The following TPM3 variants were observed in gnomAD, a reference collection of about 807,000 sequenced individuals.
TPM3 encodes tropomyosin alpha-3 chain.
TPM3 carries 16 observed loss-of-function variants against 43.1 expected under a neutral mutation model. The ratio of observed to expected loss-of-function variants is 0.37; its 90% CI spans 0.25 to 0.56. TPM3 has a LOEUF of 0.56. TPM3 is among the 20% of genes least tolerant of loss of function. The pLI, the probability that TPM3 is intolerant of heterozygous loss-of-function variation, is 0.77. For missense variants in TPM3, 176 were observed against 337.2 expected (o/e 0.52, Z 3.74); for synonymous variants, 101 against 116.9 (o/e 0.86, Z 0.88).
At chr1:154,177,164 C>T (rs193162036) in intron 2 of TPM3, among the ~76,000 whole-genome samples, 1 of 152,162 alleles carries the variant, frequency 6.6e-6, no homozygotes, top group Non-Finnish European at 1.5e-5. Flanking sequence ...TGCCTACTCA[C>T]CAGCCCTTCA....
At position 154,169,432 on chromosome 1, in the gene TPM3, A is replaced by G. The variant is rs4845364; in HGVS notation, c.776-49T>C. ...GGAGGAATGAGGGGACAGAGTGAAG[A>G]GTTTCAGAAGCAGATGAAGAGAGGG... On this transcript the variant is annotated intron_variant, in intron 8 of 9. Coordinates refer to ENST00000651641, the MANE Select transcript of TPM3 (RefSeq NM_152263.4). 0.55 allele frequency: 879,506 copies of G among 1,585,680 alleles called. 252,552 individuals carry two copies. Among genetic ancestry groups the G allele is most frequent in the East Asian group, 0.92 (41,015 of 44,790 alleles).
intron 3 of TPM3, among the ~76,000 whole-genome samples, chr1:154,174,366 GTGTATATATATATATA>G (rs1661977181): frequency 6.7e-5 from 1 of 14,976 alleles, no homozygotes; most frequent in Non-Finnish European, 1.5e-4. Context: ...TTAAATATAT[GTGTATATATATATATA>G]TATATATATA....
chr1:154,181,966 C>A (rs768958527), intron 2 of TPM3, among the ~76,000 whole-genome samples: 2 of 152,094 alleles, frequency 1.3e-5, no homozygotes, highest in African/African-American at 2.4e-5. Context: ...ACTGTTCACT[C>A]CACCAACATT....
chr1:154,158,855 A>G (rs1660069587), downstream of TPM3: 6 of 727,258 alleles, frequency 8.3e-6, no homozygotes, highest in African/African-American at 3.4e-5. Flanking sequence ...TTAAAATGCA[A>G]TTTGCTCAGG....
At chr1:154,159,542 TTG>T (rs1660138380), downstream of TPM3, among the ~76,000 whole-genome samples, 1 of 152,196 alleles carries the variant, frequency 6.6e-6, no homozygotes, top group African/African-American at 2.4e-5. Flanking sequence ...TTCTAATGCT[TTG>T]TGTTACAGAT....
chr1:154,167,592 G>A lies in TPM3; in HGVS notation c.*345C>T. On this transcript the variant is annotated 3_prime_UTR_variant, in exon 10 of 10. Coordinates refer to ENST00000651641, the MANE Select transcript of TPM3 (RefSeq NM_152263.4). ...AGAATCAGATCAGCTGAGTTTAAATGTCAAGAAAAAATAGACACACACAAA... is the reference window on the plus strand; with the variant it reads ...AGAATCAGATCAGCTGAGTTTAAATATCAAGAAAAAATAGACACACACAAA... 8.3e-7 allele frequency: 1 copy of A among 1,209,452 alleles called. No homozygotes were observed. Among genetic ancestry groups the A allele is most frequent in the Non-Finnish European group, 1.0e-6 (1 of 962,820 alleles). 74.9% of individuals were successfully genotyped at this position (1,209,452 alleles called of 1,614,324 possible). A position where few individuals can be genotyped will look rare whatever the true frequency, so the allele number is the denominator to read the frequency against.
At chr1:154,157,468 A>G (rs1379892879), downstream of TPM3, 5 of 724,588 alleles carry the variant, frequency 6.9e-6, no homozygotes, top group African/African-American at 8.6e-5. Context: ...CTCCGGGAAG[A>G]GGCAGAGACA....
At chr1:154,174,298 G>A (rs189401976) in intron 3 of TPM3, among the ~76,000 whole-genome samples, 134 of 147,810 alleles carry the variant, frequency 9.1e-4, no homozygotes, top group African/African-American at 2.7e-3. Flanking sequence ...TTGTGCCACT[G>A]CACTCCAGCC....
At chr1:154,168,018 GA>G in intron 9 of TPM3, 78 bp from the exon 10 acceptor site, 9 of 1,594,240 alleles carry the variant, frequency 5.6e-6, no homozygotes, top group African/African-American at 1.3e-5. Context: ...AAAGGAAGAG[GA>G]AAAAAAGGAA....
intron 2 of TPM3, chr1:154,183,538 C>CCGAT (rs1396173688): frequency 1.1e-5 from 4 of 363,044 alleles, no homozygotes; most frequent in African/African-American, 8.4e-5. Flanking sequence ...TCCCGCAATG[C>CCGAT]CGATACCCGT....
chr1:154,180,493 G>A (rs991228975), intron 2 of TPM3, among the ~76,000 whole-genome samples: 1 of 152,172 alleles, frequency 6.6e-6, no homozygotes, highest in Non-Finnish European at 1.5e-5. Context: ...AGGCTGGGGA[G>A]TAGAAGAAAT....
At chr1:154,175,213 C>T (rs1026371185) in intron 3 of TPM3, among the ~76,000 whole-genome samples, 5 of 151,920 alleles carry the variant, frequency 3.3e-5, no homozygotes, top group Admixed American at 1.3e-4. Flanking sequence ...CACCTGTAGT[C>T]CCAGCTACTT....
chr1:154,167,217 T>TAAAGAAGAAAAAGTAAA lies in TPM3; in HGVS notation c.*703_*719dup, dbSNP rs1661078363. On this transcript the variant is annotated 3_prime_UTR_variant, in exon 10 of 10. Coordinates refer to ENST00000651641, the MANE Select transcript of TPM3 (RefSeq NM_152263.4). The stretch of plus-strand genomic sequence containing the variant: ...AAGTCTCAAATATGTAAGAAAGGTT[T>TAAAGAAGAAAAAGTAAA]AAAGAAGAAAAAGTAAAAAAACCGT... The TAAAGAAGAAAAAGTAAA allele has an allele frequency of 1.2e-6, 1 of 824,758 alleles. No individual in the cohort carries two copies. The highest frequency in any genetic ancestry group is 1.9e-5 in the African/African-American group (1 of 53,850). 51.1% of individuals were successfully genotyped at this position (824,758 alleles called of 1,614,324 possible).
chr1:154,167,617 A>G lies in TPM3; in HGVS notation c.*320T>C. The G allele has an allele frequency of 8.1e-7, 1 of 1,235,412 alleles. No homozygotes were observed. The allele number at this position is 1,235,412 out of a possible 1,614,324, so 76.5% of individuals were successfully genotyped here. A position where few individuals can be genotyped will look rare whatever the true frequency, so the allele number is the denominator to read the frequency against. On this transcript the variant is annotated 3_prime_UTR_variant, in exon 10 of 10. Coordinates refer to ENST00000651641, the MANE Select transcript of TPM3 (RefSeq NM_152263.4). ...GTCAAGAAAAAATAGACACACACAAAAGTGGCTTTGATTACATAAGTCAGA... is the reference window on the plus strand; with the variant it reads ...GTCAAGAAAAAATAGACACACACAAGAGTGGCTTTGATTACATAAGTCAGA...
At chr1:154,178,272 T>C in intron 2 of TPM3, 1 of 774,780 alleles carries the variant, frequency 1.3e-6, no homozygotes, top group Non-Finnish European at 1.6e-6. Flanking sequence ...AGGCAGTTTC[T>C]CCCACAAATC....
At chr1:154,174,368 GTATA>G (rs34224787) in intron 3 of TPM3, among the ~76,000 whole-genome samples, 902 of 46,338 alleles carry the variant, frequency 0.019, 31 homozygotes, top group African/African-American at 0.034. Flanking sequence ...AAATATATGT[GTATA>G]TATATATATA....
intron 2 of TPM3, among the ~76,000 whole-genome samples, chr1:154,185,247 C>G (rs538447013): frequency 1.5e-4 from 23 of 150,482 alleles, no homozygotes; most frequent in Admixed American, 4.0e-4. Flanking sequence ...TGGTGCACAC[C>G]TGTAGTTCCA....
intron 2 of TPM3, among the ~76,000 whole-genome samples, chr1:154,186,313 G>C (rs1428928271): frequency 6.6e-6 from 1 of 151,506 alleles, no homozygotes; most frequent in Non-Finnish European, 1.5e-5. Context: ...AGCAGCAGAA[G>C]ACCTCATCCT....
chr1:154,183,265 C>T, intron 2 of TPM3: 2 of 1,519,458 alleles, frequency 1.3e-6, no homozygotes, highest in Non-Finnish European at 8.8e-7. Flanking sequence ...TCTGCCGCGC[C>T]CTCCCACCGC....
Sources: allele counts gnomAD v4.1 joint callset (sites outside exome capture counted in the v4.1 genomes callset), GRCh38; gene constraint gnomAD v4.1.1; transcripts MANE v1.5; gene names NCBI Gene and HGNC (gene_info 2026-07-23, HGNC 2026-07-21).